ELAVL2: variants seen among roughly 807,000 people sequenced by gnomAD.
ELAVL2 encodes the protein ELAV-like protein 2.
Under a neutral mutation model 34.6 loss-of-function variants are expected in ELAVL2, and 4 were observed. The observed-to-expected ratio is 0.12, with a 90% CI of 0.06 to 0.26. The LOEUF (loss-of-function observed/expected upper bound fraction) is 0.26, where lower values mean the gene tolerates loss of function less well. Among genes scored for constraint, ELAVL2 ranks in the 10% least tolerant of loss-of-function variants. The probability of loss-of-function intolerance (pLI) is 1.00; values close to 1 mark genes in which losing one functional copy is unlikely to be tolerated. For missense variants in ELAVL2, 432 were observed against 442.8 expected (o/e 0.98, Z 0.22); for synonymous variants, 193 against 154.8 (o/e 1.25, Z -1.83).
At chr9:23,842,132 G>A in the ELAVL2 span, among the ~76,000 whole-genome samples, 4 of 152,050 alleles carry the variant, frequency 2.6e-5, no homozygotes, top group Non-Finnish European at 5.9e-5. Flanking sequence ...TTAGACAATT[G>A]GTTTCCAAAA....
chr9:23,779,475 C>A lies in ELAVL2; in HGVS notation c.-15-17226G>T, dbSNP rs969977393. ...GCTAGAGAGTGGGTGGGCGGGCTTC[C>A]TTCTGGCTTCCTTAGACTCAGAAAC... On this transcript the variant is annotated intron_variant, in intron 1 of 6. Transcript: ENST00000397312. 4.4e-6 allele frequency: 4 copies of A among 913,316 alleles called. No homozygotes were observed. In the African/African-American group the frequency reaches 5.4e-5, roughly 12 times the overall value. The allele number at this position is 913,316 out of a possible 1,614,324, so 56.6% of individuals were successfully genotyped here.
the ELAVL2 span, among the ~76,000 whole-genome samples, chr9:23,836,243 T>C: frequency 6.6e-6 from 1 of 152,190 alleles, no homozygotes; most frequent in Admixed American, 6.5e-5. Context: ...AAATGTCAGT[T>C]TTTGTAAACA....
intron 1 of ELAVL2, among the ~76,000 whole-genome samples, chr9:23,814,097 A>G (rs2063386513): frequency 6.6e-6 from 1 of 152,116 alleles, no homozygotes; most frequent in South Asian, 2.1e-4. Flanking sequence ...GTAAATCAAC[A>G]ACTCACAACT....
intron 1 of ELAVL2, among the ~76,000 whole-genome samples, chr9:23,785,042 G>C (rs1196532837): frequency 1.3e-5 from 2 of 152,190 alleles, no homozygotes; most frequent in Admixed American, 6.5e-5. Flanking sequence ...GGAAATGACA[G>C]TGATAATAGA....
intron 2 of ELAVL2, among the ~76,000 whole-genome samples, chr9:23,743,545 T>A (rs966540629): frequency 1.2e-4 from 19 of 152,192 alleles, no homozygotes; most frequent in African/African-American, 4.6e-4. Flanking sequence ...GCTTGTCTTG[T>A]CTTTTACCAC....
chr9:23,720,610 G>T (rs983696867), intron 3 of ELAVL2, among the ~76,000 whole-genome samples: 12 of 152,206 alleles, frequency 7.9e-5, no homozygotes, highest in African/African-American at 2.7e-4. Context: ...TGAGCAAATT[G>T]TGTGTGAGAA....
chr9:23,771,454 A>T (rs1473108373), intron 1 of ELAVL2, among the ~76,000 whole-genome samples: 3 of 151,908 alleles, frequency 2.0e-5, no homozygotes, highest in Non-Finnish European at 4.4e-5. Context: ...TATATAGGAA[A>T]CCCAACATAC....
chr9:23,798,277 T>C lies in ELAVL2; in HGVS notation c.-16+27529A>G, dbSNP rs1331623991. Among the ~76,000 whole-genome samples, 3 of 152,328 alleles carry C rather than the reference T, an allele frequency of 2.0e-5. No homozygotes were observed. In the East Asian group the frequency reaches 5.8e-4, roughly 29 times the overall value. On this transcript the variant is annotated intron_variant, in intron 1 of 6. Transcript: ENST00000397312. ...AAACAGGACCCTTTATTTGATTAAA[T>C]AATTTAGTTCTAACACCTGGGCAGA...
rs141478666 is a variant in ELAVL2 at position 23,746,739 on chromosome 9, C to A, written c.229+15267G>T. 2.0e-5 allele frequency among the ~76,000 whole-genome samples: 3 copies of A among 151,610 alleles called. No homozygotes were observed. In the East Asian group the frequency reaches 5.9e-4, roughly 30 times the overall value. The stretch of plus-strand genomic sequence containing the variant: ...AAGAGAATTCCCCAATACAGAAGGA[C>A]CCTAATGAAATGTAAGACTGAGACA... On this transcript the variant is annotated intron_variant, in intron 2 of 6. Coordinates refer to ENST00000397312, the MANE Select transcript of ELAVL2 (RefSeq NM_004432.5).
chr9:23,716,410 T>C (rs2133892879), intron 3 of ELAVL2, among the ~76,000 whole-genome samples: 1 of 152,328 alleles, frequency 6.6e-6, no homozygotes, highest in South Asian at 2.1e-4. Context: ...ACATCTTCAA[T>C]GTATAGTGAC....
chr9:23,814,836 A>G (rs1273754209), intron 1 of ELAVL2, among the ~76,000 whole-genome samples: 2 of 152,222 alleles, frequency 1.3e-5, no homozygotes, highest in Admixed American at 1.3e-4. Flanking sequence ...AAAGCAGCTC[A>G]GAGAAAACAA....
At chr9:23,742,135 T>C (rs2049356591) in intron 2 of ELAVL2, among the ~76,000 whole-genome samples, 1 of 152,170 alleles carries the variant, frequency 6.6e-6, no homozygotes. Flanking sequence ...TTGAAAGTAT[T>C]CTTGCACTAT....
chr9:23,692,319 A>C lies in ELAVL2; in HGVS notation c.*238T>G. ...TTCTTCAAAGAAGGCAATAGAATGC[A>C]ATGTGACAGGTAAAAACCCTGTACC... On this transcript the variant is annotated 3_prime_UTR_variant, in exon 7 of 7. Coordinates refer to ENST00000397312, the MANE Select transcript of ELAVL2 (RefSeq NM_004432.5). 1 of 461,642 alleles carries C rather than the reference A, an allele frequency of 2.2e-6. No individual in the cohort carries two copies. Among genetic ancestry groups the C allele is most frequent in the Non-Finnish European group, 3.8e-6 (1 of 262,506 alleles). 28.6% of individuals were successfully genotyped at this position (461,642 alleles called of 1,614,324 possible).
chr9:23,711,953 T>C (rs995061348), intron 3 of ELAVL2, among the ~76,000 whole-genome samples: 2 of 152,190 alleles, frequency 1.3e-5, no homozygotes, highest in Non-Finnish European at 2.9e-5. Context: ...CATTGGTACT[T>C]TGTGTACAGA....
chr9:23,700,005 A>G (rs752971475), intron 5 of ELAVL2, among the ~76,000 whole-genome samples: 20 of 151,816 alleles, frequency 1.3e-4, no homozygotes, highest in Non-Finnish European at 2.8e-4. Context: ...AAGCAACATA[A>G]TTTAGTATTT....
In ELAVL2 at chr9:23,690,787, A is replaced by T. The variant is rs562644291; in HGVS notation, c.*1770T>A. ...ACTATATAGTTCTCAGTGCATCCTGATGAAGGCATTTTTGCCTTCAGCTTT... is the reference window on the plus strand; with the variant it reads ...ACTATATAGTTCTCAGTGCATCCTGTTGAAGGCATTTTTGCCTTCAGCTTT... On this transcript the variant is annotated 3_prime_UTR_variant, in exon 7 of 7. Transcript: ENST00000397312. 6 of 152,628 alleles carry T rather than the reference A, an allele frequency of 3.9e-5. No homozygotes were observed. The highest frequency in any genetic ancestry group is 8.8e-5 in the Non-Finnish European group (6 of 68,026). 9.5% of individuals were successfully genotyped at this position (152,628 alleles called of 1,614,324 possible). A position where few individuals can be genotyped will look rare whatever the true frequency, so the allele number is the denominator to read the frequency against.
chr9:23,778,616 C>A (rs2058596795), intron 1 of ELAVL2, among the ~76,000 whole-genome samples: 1 of 152,022 alleles, frequency 6.6e-6, no homozygotes, highest in South Asian at 2.1e-4. Context: ...AGTATCATAG[C>A]CTAAATGTCA....
At chr9:23,694,906 C>T (rs376234675) in intron 5 of ELAVL2, among the ~76,000 whole-genome samples, 8 of 152,232 alleles carry the variant, frequency 5.3e-5, no homozygotes, top group African/African-American at 1.4e-4. Context: ...ACCCACCACC[C>T]TCTCATTGCA....
chr9:23,808,421 A>G (rs1474291654), intron 1 of ELAVL2, among the ~76,000 whole-genome samples: 2 of 152,146 alleles, frequency 1.3e-5, no homozygotes, highest in African/African-American at 4.8e-5. Context: ...TATTTACTAA[A>G]CAAATGAAAA....
Sources: allele counts gnomAD v4.1 joint callset (sites outside exome capture counted in the v4.1 genomes callset), GRCh38; gene constraint gnomAD v4.1.1; transcripts MANE v1.5; gene names NCBI Gene and HGNC (gene_info 2026-07-23, HGNC 2026-07-21).